SLC44A5: variants seen among roughly 807,000 people sequenced by gnomAD.
The protein encoded by SLC44A5 is solute carrier family 44 member 5.
A neutral mutation model predicts 101.8 loss-of-function variants in SLC44A5; 57 were observed. That is an observed-to-expected ratio of 0.56 (90% confidence interval 0.45 to 0.70). The LOEUF (loss-of-function observed/expected upper bound fraction) is 0.70, where lower values mean the gene tolerates loss of function less well. Among genes scored for constraint, SLC44A5 ranks in the 30% least tolerant of loss-of-function variants. The probability of loss-of-function intolerance (pLI) is 0.00; values close to 1 mark genes in which losing one functional copy is unlikely to be tolerated. For missense variants in SLC44A5, 737 were observed against 853.1 expected (o/e 0.86, Z 1.70); for synonymous variants, 281 against 290.9 (o/e 0.97, Z 0.35).
intron 1 of SLC44A5, among the ~76,000 whole-genome samples, chr1:75,574,166 C>A (rs1673238913): frequency 6.6e-6 from 1 of 152,092 alleles, no homozygotes; most frequent in African/African-American, 2.4e-5. Context: ...TATAATGTTC[C>A]CCCTGTGGCT....
chr1:75,323,453 A>G (rs907034061), intron 4 of SLC44A5, among the ~76,000 whole-genome samples: 3 of 152,108 alleles, frequency 2.0e-5, no homozygotes, highest in Non-Finnish European at 4.4e-5. Flanking sequence ...TTGGGTATAT[A>G]CCCAGTAATG....
chr1:75,214,763 A>T, intron 19 of SLC44A5, 85 bp from the exon 20 acceptor site: 1 of 1,059,172 alleles, frequency 9.4e-7, no homozygotes, highest in East Asian at 2.5e-5. Flanking sequence ...GAAGGTAACC[A>T]AATTAATTCC....
chr1:75,279,348 G>T (rs1013733747), intron 5 of SLC44A5, among the ~76,000 whole-genome samples: 1 of 151,988 alleles, frequency 6.6e-6, no homozygotes, highest in Non-Finnish European at 1.5e-5. Context: ...TGGGACATGG[G>T]AAAGTCAAGC....
chr1:75,497,395 T>G (rs936288076), intron 2 of SLC44A5, among the ~76,000 whole-genome samples: 2 of 152,084 alleles, frequency 1.3e-5, no homozygotes, highest in African/African-American at 4.8e-5. Context: ...ACAAAGAAAG[T>G]TACTGCATAA....
At chr1:75,423,794 C>CA (rs1281854130) in intron 2 of SLC44A5, among the ~76,000 whole-genome samples, 2 of 152,250 alleles carry the variant, frequency 1.3e-5, no homozygotes, top group African/African-American at 2.4e-5. Flanking sequence ...CACACAGATA[C>CA]ACTTGCATAC....
intron 3 of SLC44A5, among the ~76,000 whole-genome samples, chr1:75,358,881 T>C (rs1221115204): frequency 6.6e-6 from 1 of 152,160 alleles, no homozygotes; most frequent in Non-Finnish European, 1.5e-5. Context: ...TTTTGAGATA[T>C]ACAATGTATT....
Position 75,306,733 on chromosome 1 carries a change from C to CTTTTTTTTTT in SLC44A5, c.102-6058_102-6049dup, listed in dbSNP as rs771955227. Among the ~76,000 whole-genome samples the CTTTTTTTTTT allele has an allele frequency of 4.8e-3, 491 of 102,552 alleles. 41 individuals are homozygous for CTTTTTTTTTT. Among genetic ancestry groups the CTTTTTTTTTT allele is most frequent in the African/African-American group, 0.016 (369 of 23,536 alleles). The allele number at this position is 102,552 out of a possible 152,430, so 67.3% of individuals were successfully genotyped here. A position where few individuals can be genotyped will look rare whatever the true frequency, so the allele number is the denominator to read the frequency against. On this transcript the variant is annotated intron_variant, in intron 4 of 23. Coordinates refer to ENST00000370859, the MANE Select transcript of SLC44A5 (RefSeq NM_001130058.2). ...ACTGATTCATTTACTGGTTTCCTTT[C>CTTTTTTTTTT]TTTTTTTTTTTTTTTTTTTGAGACG...
chr1:75,274,443 C>T (rs1651750361), intron 6 of SLC44A5, among the ~76,000 whole-genome samples: 1 of 152,108 alleles, frequency 6.6e-6, no homozygotes, highest in South Asian at 2.1e-4. Flanking sequence ...GAACATTCTT[C>T]CTTGTTTGTT....
At chr1:75,336,780 T>A (rs554777140) in intron 4 of SLC44A5, among the ~76,000 whole-genome samples, 2 of 151,880 alleles carry the variant, frequency 1.3e-5, no homozygotes, top group East Asian at 3.9e-4. Flanking sequence ...TGACACAGCA[T>A]ACTTGGATCC....
chr1:75,359,422 T>A (rs1426920633), intron 3 of SLC44A5, among the ~76,000 whole-genome samples: 1 of 150,632 alleles, frequency 6.6e-6, no homozygotes, highest in Non-Finnish European at 1.5e-5. Context: ...TTTTTTTTTT[T>A]AAGAGACAGA....
intron 2 of SLC44A5, among the ~76,000 whole-genome samples, chr1:75,524,400 A>G (rs76899400): frequency 0.012 from 1,876 of 152,282 alleles, 42 homozygotes; most frequent in African/African-American, 0.043. Context: ...GAATGAACTA[A>G]TACAACATGA....
intron 4 of SLC44A5, among the ~76,000 whole-genome samples, chr1:75,305,663 C>T (rs946435922): frequency 8.5e-5 from 13 of 152,214 alleles, no homozygotes; most frequent in Non-Finnish European, 1.3e-4. Flanking sequence ...CCTCTAGACT[C>T]CCCCTCCTGG....
chr1:75,641,662 T>C, the SLC44A5 span: 1 of 1,495,246 alleles, frequency 6.7e-7, no homozygotes, highest in East Asian at 2.3e-5. Context: ...TAACTTCAGC[T>C]TGAAGAATAC....
chr1:75,635,669 G>A, the SLC44A5 span, among the ~76,000 whole-genome samples: 1,949 of 125,670 alleles, frequency 0.016, 69 homozygotes, highest in African/African-American at 0.053. Flanking sequence ...GGTGGGGGGA[G>A]GGGGGGAGGA....
intron 2 of SLC44A5, among the ~76,000 whole-genome samples, chr1:75,506,376 T>C (rs1267009464): frequency 6.6e-6 from 1 of 152,184 alleles, no homozygotes; most frequent in Non-Finnish European, 1.5e-5. Context: ...AGTTTGTTTC[T>C]AATTCTATGA....
At chr1:75,419,025 G>A (rs1334730563) in intron 2 of SLC44A5, among the ~76,000 whole-genome samples, 1 of 152,084 alleles carries the variant, frequency 6.6e-6, no homozygotes, top group Non-Finnish European at 1.5e-5. Flanking sequence ...TCAGAGAAGG[G>A]AACCAAAATA....
chr1:75,293,057 T>C (rs1653687216), intron 5 of SLC44A5, among the ~76,000 whole-genome samples: 2 of 152,232 alleles, frequency 1.3e-5, no homozygotes, highest in Non-Finnish European at 2.9e-5. Flanking sequence ...CAGGTGCACA[T>C]GTGCTTCATG....
intron 1 of SLC44A5, among the ~76,000 whole-genome samples, chr1:75,555,266 A>C (rs930297198): frequency 6.6e-6 from 1 of 152,148 alleles, no homozygotes; most frequent in Admixed American, 6.5e-5. Flanking sequence ...TTGCCTGAAA[A>C]ACTCGTTAGT....
the SLC44A5 span, among the ~76,000 whole-genome samples, chr1:75,719,298 T>TA: frequency 6.6e-6 from 1 of 152,270 alleles, no homozygotes; most frequent in Non-Finnish European, 1.5e-5. Flanking sequence ...AACACTGGAA[T>TA]AAAAAATTCT....
Sources: gnomAD v4.1 joint callset for allele counts (sites outside exome capture counted in the v4.1 genomes callset) on GRCh38, gnomAD v4.1.1 for gene constraint, MANE v1.5 for transcripts, NCBI Gene and HGNC (gene_info 2026-07-23, HGNC 2026-07-21) for gene names.